ACBD3: variants seen among roughly 807,000 people sequenced by gnomAD.
The protein encoded by ACBD3 is Golgi resident protein GCP60.
In ACBD3, 30 loss-of-function variants were observed where a neutral mutation model predicts 66.9. The ratio of observed to expected loss-of-function variants is 0.45; its 90% CI spans 0.34 to 0.61. The LOEUF is 0.61. Ranked by LOEUF, ACBD3 falls within the 20% of genes least tolerant of loss-of-function variation. The probability of loss-of-function intolerance (pLI) is 0.02; values close to 1 mark genes in which losing one functional copy is unlikely to be tolerated. For synonymous variants in ACBD3, 278 were observed against 259.8 expected (o/e 1.07, Z -0.68); for missense variants, 544 against 664.5 (o/e 0.82, Z 1.99).
intron 7 of ACBD3, 103 bp from the exon 8 acceptor site, chr1:226,146,924 C>A: frequency 8.6e-7 from 1 of 1,159,578 alleles, no homozygotes; most frequent in Non-Finnish European, 1.3e-6. Context: ...CAGAGTCTTG[C>A]TCTGTCACCC....
At chr1:226,186,272 C>T in intron 1 of ACBD3, 118 bp downstream of exon 1, 1 of 1,285,694 alleles carries the variant, frequency 7.8e-7, no homozygotes, top group Non-Finnish European at 1.0e-6. Context: ...GCTTGAGTCA[C>T]CACAGCCCAG....
At chr1:226,160,874 A>G (rs968136430) in intron 4 of ACBD3, among the ~76,000 whole-genome samples, 8 of 152,372 alleles carry the variant, frequency 5.3e-5, no homozygotes, top group South Asian at 2.1e-4. Flanking sequence ...AGACTGGACC[A>G]ACAAGATTCT....
Position 226,146,520 on chromosome 1 carries a change from ACT to A in ACBD3, c.*88_*89del. On this transcript the variant is annotated 3_prime_UTR_variant, in exon 8 of 8. Transcript: ENST00000366812. ...ACCAATATCAATAAGGTAAACTGTG[ACT>A]CTAATGCTCCACAAAAGTAAAAAGA... 1 of 1,086,716 alleles carries A rather than the reference ACT, an allele frequency of 9.2e-7. No individual in the cohort carries two copies. Among genetic ancestry groups the A allele is most frequent in the Non-Finnish European group, 1.3e-6 (1 of 743,640 alleles). 67.3% of individuals were successfully genotyped at this position (1,086,716 alleles called of 1,614,324 possible).
intron 2 of ACBD3, 57 bp downstream of exon 2, chr1:226,165,802 T>C: frequency 6.4e-7 from 1 of 1,570,986 alleles, no homozygotes; most frequent in South Asian, 1.2e-5. Flanking sequence ...CAATACACAT[T>C]GTACCCTTTG....
chr1:226,160,639 A>T (rs768539857), intron 4 of ACBD3, among the ~76,000 whole-genome samples: 10 of 152,186 alleles, frequency 6.6e-5, no homozygotes, highest in Non-Finnish European at 1.2e-4. Flanking sequence ...TAATGAGAAG[A>T]AATCAATGGA....
At chr1:226,172,288 C>A (rs1655843204) in intron 1 of ACBD3, among the ~76,000 whole-genome samples, 1 of 152,080 alleles carries the variant, frequency 6.6e-6, no homozygotes, top group African/African-American at 2.4e-5. Context: ...ACACGCCCAG[C>A]AAATCTCACA....
chr1:226,154,942 C>CCTG, intron 5 of ACBD3, 109 bp from the exon 6 acceptor site: 2 of 809,038 alleles, frequency 2.5e-6, no homozygotes, highest in Non-Finnish European at 3.5e-6. Flanking sequence ...AAGTGCTATG[C>CCTG]TCAAGAAATT....
intron 1 of ACBD3, among the ~76,000 whole-genome samples, chr1:226,167,913 A>G (rs558994314): frequency 1.3e-5 from 2 of 152,350 alleles, no homozygotes; most frequent in African/African-American, 4.8e-5. Context: ...AAAAAGTTAG[A>G]TAACATCTAA....
chr1:226,149,603 TG>T (rs1659527819), intron 7 of ACBD3, among the ~76,000 whole-genome samples: 1 of 133,970 alleles, frequency 7.5e-6, no homozygotes, highest in Admixed American at 8.6e-5. Flanking sequence ...TGAAGTGACT[TG>T]ATCTCAGCTC....
At chr1:226,165,195 G>A (rs1251078970) in intron 2 of ACBD3, among the ~76,000 whole-genome samples, 1 of 150,732 alleles carries the variant, frequency 6.6e-6, no homozygotes, top group African/African-American at 2.4e-5. Flanking sequence ...TTTTGAGATA[G>A]GATCTCACTC....
At chr1:226,177,691 T>C (rs1370419192) in intron 1 of ACBD3, among the ~76,000 whole-genome samples, 1 of 152,072 alleles carries the variant, frequency 6.6e-6, no homozygotes, top group Non-Finnish European at 1.5e-5. Flanking sequence ...ACGTTAGGGC[T>C]TGCAGGAAAA....
chr1:226,169,250 T>C (rs1223732539), intron 1 of ACBD3, among the ~76,000 whole-genome samples: 5 of 151,780 alleles, frequency 3.3e-5, no homozygotes, highest in Non-Finnish European at 1.5e-5. Flanking sequence ...TTTTTTTTAT[T>C]TTTATTTTTT....
At chr1:226,146,871 G>T (rs1323252506) in intron 7 of ACBD3, 50 bp from the exon 8 acceptor site, 12 of 1,532,936 alleles carry the variant, frequency 7.8e-6, no homozygotes, top group Non-Finnish European at 1.1e-5. Context: ...AACCACACTT[G>T]CATCAGGCAA....
In ACBD3 at chr1:226,165,930, A is replaced by T; in HGVS notation, c.357T>A (p.Val119=). Residue 119 remains valine (V), a synonymous_variant, in exon 2 of 8, where the codon GTT becomes GTA. Transcript: ENST00000366812. ...KLKLVALHKQ[V]LMGPYNPDTC... is the part of the protein sequence containing the mutation. ...TGTCTGGATTATATGGGCCCATAAG[A>T]ACTTGCTTATGCAGTGCCACAAGCT... 6.2e-7 allele frequency: 1 copy of T among 1,613,804 alleles called. No homozygotes were observed. Among genetic ancestry groups the T allele is most frequent in the South Asian group, 1.1e-5 (1 of 90,974 alleles).
At chr1:226,182,228 A>G (rs1177088078) in intron 1 of ACBD3, among the ~76,000 whole-genome samples, 1 of 100,216 alleles carries the variant, frequency 1.0e-5, no homozygotes, top group Non-Finnish European at 2.3e-5. Context: ...CAGACTGTCT[A>G]AAAAAAAAAA....
At chr1:226,162,391 T>C (rs577132841) in intron 3 of ACBD3, among the ~76,000 whole-genome samples, 46 of 152,244 alleles carry the variant, frequency 3.0e-4, no homozygotes, top group African/African-American at 9.9e-4. Flanking sequence ...TTTTTTCAGT[T>C]TGTGTTTCAT....
intron 1 of ACBD3, among the ~76,000 whole-genome samples, chr1:226,178,701 C>G (rs1656106875): frequency 6.6e-6 from 1 of 152,046 alleles, no homozygotes; most frequent in African/African-American, 2.4e-5. Context: ...TCCCTTCTAG[C>G]CTTCATTTAA....
chr1:226,173,757 CTTTTTTTTTTT>C (rs145462202), intron 1 of ACBD3, among the ~76,000 whole-genome samples: 21 of 88,324 alleles, frequency 2.4e-4, no homozygotes, highest in Non-Finnish European at 2.8e-4. Flanking sequence ...TTTTTCTTTT[CTTTTTTTTTTT>C]TTTTTTTTTT....
At chr1:226,146,966 A>C in intron 7 of ACBD3, 145 bp from the exon 8 acceptor site, 2 of 732,080 alleles carry the variant, frequency 2.7e-6, no homozygotes, top group Non-Finnish European at 4.5e-6. Flanking sequence ...ATCTCAGCTC[A>C]TTGCAACCTC....
Sources: gnomAD v4.1 joint callset for allele counts (sites outside exome capture counted in the v4.1 genomes callset) on GRCh38, gnomAD v4.1.1 for gene constraint, MANE v1.5 for transcripts, NCBI Gene and HGNC (gene_info 2026-07-23, HGNC 2026-07-21) for gene names.